WDR41: variants seen among roughly 807,000 people sequenced by gnomAD.
The protein encoded by WDR41 is WD repeat domain 41.
Under a neutral mutation model 69.3 loss-of-function variants are expected in WDR41, and 63 were observed. The ratio of observed to expected loss-of-function variants is 0.91; its 90% confidence interval spans 0.74 to 1.12. The LOEUF (loss-of-function observed/expected upper bound fraction) is 1.12. WDR41 is among the 50% of genes most tolerant of loss of function. The pLI is 0.00. For missense variants in WDR41, 543 were observed against 534.5 expected (o/e 1.02, Z -0.16); for synonymous variants, 185 against 192.1 (o/e 0.96, Z 0.31).
chr5:77,444,216 A>C (rs1799287909), intron 8 of WDR41, among the ~76,000 whole-genome samples: 2 of 152,144 alleles, frequency 1.3e-5, no homozygotes, highest in South Asian at 4.1e-4. Flanking sequence ...ACACATGGCA[A>C]ACTAATTCCC....
At chr5:77,578,441 C>G (rs1286623838) in intron 1 of WDR41, among the ~76,000 whole-genome samples, 1 of 152,060 alleles carries the variant, frequency 6.6e-6, no homozygotes, top group Non-Finnish European at 1.5e-5. Context: ...GTAAAAAATG[C>G]AAGTCATACA....
intron 1 of WDR41, among the ~76,000 whole-genome samples, chr5:77,557,609 A>G (rs1315645052): frequency 6.6e-6 from 1 of 152,254 alleles, no homozygotes; most frequent in East Asian, 1.9e-4. Flanking sequence ...TCATGGCAGT[A>G]GGAATCAGTA....
At chr5:77,547,979 A>AATACTTAC (rs1274294584) in intron 1 of WDR41, among the ~76,000 whole-genome samples, 8 of 152,088 alleles carry the variant, frequency 5.3e-5, no homozygotes, top group African/African-American at 1.9e-4. Flanking sequence ...AATAAACCCA[A>AATACTTAC]ATACTTACAG....
At chr5:77,582,660 C>CAG in intron 1 of WDR41, 2 of 1,601,388 alleles carry the variant, frequency 1.2e-6, no homozygotes, top group Non-Finnish European at 1.7e-6. Flanking sequence ...TCATCAGAAT[C>CAG]AGAGGTATCA....
rs116104809 is a variant in WDR41, at chr5:77,521,363, C to A, written c.43-31791G>T. Reference sequence around the variant, plus strand: ...TCAGGCAGTAATGCCGGCTCCCATGCCACTCACCTCCTGCTGTGCAGCCCG... The same window carrying A: ...TCAGGCAGTAATGCCGGCTCCCATGACACTCACCTCCTGCTGTGCAGCCCG... On this transcript the variant is annotated intron_variant, in intron 1 of 5. Coordinates refer to the WDR41 transcript ENST00000509971. Among the ~76,000 whole-genome samples, 1,116 of 152,348 alleles carry A rather than the reference C, an allele frequency of 7.3e-3. 18 individuals are homozygous for A. The highest frequency in any genetic ancestry group is 0.026 in the African/African-American group (1,067 of 41,596).
chr5:77,464,274 CTTTT>C (rs71606297), intron 3 of WDR41, among the ~76,000 whole-genome samples: 11,188 of 93,852 alleles, frequency 0.12, 374 homozygotes, highest in South Asian at 0.25. Context: ...TAGGAAAAAA[CTTTT>C]TTTTTTTTTT....
chr5:77,558,094 T>TTTAAAAAAAAAAAAAAAA (rs1554036365), intron 1 of WDR41, among the ~76,000 whole-genome samples: 1 of 104,304 alleles, frequency 9.6e-6, no homozygotes, highest in African/African-American at 3.6e-5. Flanking sequence ...ATGTTCTTTT[T>TTTAAAAAAAAAAAAAAAA]AAAAAAAAAA....
At chr5:77,542,124 T>C (rs1186102981) in intron 1 of WDR41, among the ~76,000 whole-genome samples, 1 of 152,066 alleles carries the variant, frequency 6.6e-6, no homozygotes, top group Non-Finnish European at 1.5e-5. Context: ...TTGAAAGGGA[T>C]ATGGATGGAG....
intron 2 of WDR41, among the ~76,000 whole-genome samples, chr5:77,473,150 A>C (rs335645): frequency 0.54 from 82,663 of 151,934 alleles, 23,141 homozygotes; most frequent in African/African-American, 0.67. Flanking sequence ...CATATCTACA[A>C]CCATCTGATC....
In WDR41 at chr5:77,492,203, G is replaced by T. The variant is rs370951099; in HGVS notation, c.18C>A (p.Ile6=). 5 of 1,612,250 alleles carry T rather than the reference G, an allele frequency of 3.1e-6. No individual in the cohort carries two copies. The highest frequency in any genetic ancestry group is 3.4e-6 in the Non-Finnish European group (4 of 1,179,448). The change falls in exon 1 of 13, where the codon ATC becomes ATA. Residue 6 remains isoleucine, a synonymous_variant. Transcript: ENST00000296679. The part of the protein sequence containing the change: MLRWL[I]GGGREPQGLA... ...GTCCCTGCGGTTCTCGGCCTCCCCCGATCAGCCATCGCAACATCCGGGCAG... is the reference window on the plus strand; with the variant it reads ...GTCCCTGCGGTTCTCGGCCTCCCCCTATCAGCCATCGCAACATCCGGGCAG...
intron 1 of WDR41, among the ~76,000 whole-genome samples, chr5:77,576,175 G>C (rs1743828585): frequency 6.6e-6 from 1 of 152,106 alleles, no homozygotes. Context: ...AGAACCCCTC[G>C]ATCTATGTTC....
At chr5:77,552,974 C>T (rs767765895) in intron 1 of WDR41, among the ~76,000 whole-genome samples, 9 of 152,246 alleles carry the variant, frequency 5.9e-5, no homozygotes, top group East Asian at 1.9e-4. Flanking sequence ...CAGGATCTGG[C>T]GCTAAGCCAG....
At chr5:77,476,585 T>G (rs928103413) in intron 2 of WDR41, among the ~76,000 whole-genome samples, 1 of 149,912 alleles carries the variant, frequency 6.7e-6, no homozygotes, top group Non-Finnish European at 1.5e-5. Context: ...GCTTCATAAG[T>G]GAAGGAGAAA....
At chr5:77,435,602 A>C (rs1798907496) in intron 12 of WDR41, among the ~76,000 whole-genome samples, 1 of 152,248 alleles carries the variant, frequency 6.6e-6, no homozygotes, top group South Asian at 2.1e-4. Context: ...ACAGGGAAGA[A>C]CAATTTAAGA....
intron 1 of WDR41, among the ~76,000 whole-genome samples, chr5:77,575,098 G>T (rs1389841926): frequency 6.6e-6 from 1 of 152,126 alleles, no homozygotes; most frequent in South Asian, 2.1e-4. Context: ...ATATAGGAAT[G>T]ATTTTGTCAC....
intron 1 of WDR41, chr5:77,546,108 T>C: frequency 1.9e-6 from 1 of 515,566 alleles, no homozygotes. Context: ...AAGGCCACCT[T>C]TGATGCCATC....
intron 1 of WDR41, among the ~76,000 whole-genome samples, chr5:77,532,898 A>T (rs1256270685): frequency 6.6e-6 from 1 of 152,102 alleles, no homozygotes; most frequent in Non-Finnish European, 1.5e-5. Flanking sequence ...CGGGCCTTTC[A>T]TGTGGGGGAT....
At chr5:77,583,166 C>G in intron 1 of WDR41, 4 of 946,034 alleles carry the variant, frequency 4.2e-6, no homozygotes, top group Non-Finnish European at 6.5e-6. Flanking sequence ...GGTTAATAAA[C>G]AGTACCTGCT....
At chr5:77,459,691 T>C (rs1218588863) in intron 4 of WDR41, among the ~76,000 whole-genome samples, 1 of 152,202 alleles carries the variant, frequency 6.6e-6, no homozygotes, top group Admixed American at 6.5e-5. Context: ...CACCATTTCC[T>C]ATAGTAAGAA....
Sources: gnomAD v4.1 joint callset for allele counts (sites outside exome capture counted in the v4.1 genomes callset) on GRCh38, gnomAD v4.1.1 for gene constraint, MANE v1.5 for transcripts, NCBI Gene and HGNC (gene_info 2026-07-23, HGNC 2026-07-21) for gene names.